VPS13B: variants seen among roughly 807,000 people sequenced by gnomAD.
The protein encoded by VPS13B is vacuolar protein sorting 13 homolog B.
VPS13B carries 285 observed loss-of-function variants against 426.4 expected under a neutral mutation model. The ratio of observed to expected loss-of-function variants is 0.67; its 90% confidence interval spans 0.61 to 0.74. The LOEUF is 0.74. VPS13B is among the 30% of genes least tolerant of loss of function. The probability of loss-of-function intolerance (pLI) is 0.00; values close to 1 mark genes in which losing one functional copy is unlikely to be tolerated. For missense variants in VPS13B, 4,537 were observed against 4,782.6 expected (o/e 0.95, Z 1.51); for synonymous variants, 1,676 against 1,676.4 (o/e 1.00, Z 0.01).
At position 99,391,593 on chromosome 8, in the gene VPS13B, T is replaced by C; in HGVS notation, c.2971T>C (p.Cys991Arg). 6.2e-7 allele frequency: 1 copy of C among 1,614,182 alleles called. No individual in the cohort carries two copies. ...VVAVPLVMPV[C>R]RRKEDEVSIG... ...AGCTGTTCCTCTTGTTATGCCAGTT[T>C]GTAGAAGGAAAGAGGATGAGGTGTC... Residue 991 changes from cysteine to arginine, a missense_variant, in exon 21 of 62, where the codon TGT becomes CGT. This residue lies in a region of VPS13B where 4,311 missense variants were observed against 4,474.3 expected (regional missense o/e 0.96). Transcript: ENST00000357162.
At chr8:99,206,343 A>G (rs964541745) in intron 17 of VPS13B, among the ~76,000 whole-genome samples, 2 of 152,224 alleles carry the variant, frequency 1.3e-5, no homozygotes, top group Non-Finnish European at 2.9e-5. Flanking sequence ...CTTTCCAGAA[A>G]GTAACTGTTA....
At chr8:99,657,764 A>G (rs1830075299) in intron 34 of VPS13B, among the ~76,000 whole-genome samples, 1 of 152,110 alleles carries the variant, frequency 6.6e-6, no homozygotes, top group South Asian at 2.1e-4. Flanking sequence ...ACATTTACTT[A>G]TATATTCTTA....
At chr8:99,776,678 A>G (rs1231654236) in intron 40 of VPS13B, 97 bp from the exon 41 acceptor site, 1 of 1,069,242 alleles carries the variant, frequency 9.4e-7, no homozygotes, top group East Asian at 2.4e-5. Context: ...TAGGATTTTC[A>G]GTACTAGTTT....
intron 14 of VPS13B, among the ~76,000 whole-genome samples, chr8:99,149,072 G>A (rs951704781): frequency 6.6e-6 from 1 of 152,204 alleles, no homozygotes; most frequent in Admixed American, 6.5e-5. Context: ...CTGTGGTTGA[G>A]TATTGCCTTC....
chr8:99,062,756 A>G (rs1307936914), intron 3 of VPS13B, among the ~76,000 whole-genome samples: 1 of 152,204 alleles, frequency 6.6e-6, no homozygotes, highest in Non-Finnish European at 1.5e-5. Flanking sequence ...GGTGTAAGCC[A>G]CCACGCCTGG....
intron 33 of VPS13B, among the ~76,000 whole-genome samples, chr8:99,628,261 G>A (rs1828697034): frequency 6.6e-6 from 1 of 152,184 alleles, no homozygotes; most frequent in African/African-American, 2.4e-5. Flanking sequence ...CTTGAATTCA[G>A]TGATTTGCTA....
rs1821797094 is a variant in VPS13B, at chr8:99,511,660, A to G, written c.4633+148A>G. ...TATTTTATAGAGAGGAAATATAGAT[A>G]TTCTACAAATCATTAGGAAATACAT... On this transcript the variant is annotated intron_variant, in intron 29 of 61. Coordinates refer to ENST00000357162, the MANE Select transcript of VPS13B (RefSeq NM_152564.5). 4.4e-5 allele frequency: 35 copies of G among 787,482 alleles called. No homozygotes were observed. The South Asian group carries it at 6.8e-4, about 15-fold the overall frequency. The allele number at this position is 787,482 out of a possible 1,614,324, so 48.8% of individuals were successfully genotyped here.
chr8:99,376,682 A>T (rs1371054450), intron 19 of VPS13B, among the ~76,000 whole-genome samples: 1 of 152,160 alleles, frequency 6.6e-6, no homozygotes, highest in African/African-American at 2.4e-5. Flanking sequence ...AGTTTTAGAC[A>T]TATCTGAAAA....
chr8:99,833,459 TAA>T (rs1563498470), intron 52 of VPS13B, among the ~76,000 whole-genome samples: 2 of 152,216 alleles, frequency 1.3e-5, no homozygotes, highest in Non-Finnish European at 2.9e-5. Context: ...TGTAATATTT[TAA>T]AAGACAAGAG....
intron 17 of VPS13B, among the ~76,000 whole-genome samples, chr8:99,226,982 C>G (rs1014687215): frequency 1.3e-5 from 2 of 152,056 alleles, no homozygotes; most frequent in Non-Finnish European, 2.9e-5. Context: ...AGAACTTATA[C>G]CTTCTGTCTA....
At position 99,250,664 on chromosome 8, in the gene VPS13B, C is replaced by CTTTTTTTTTTT. The variant is rs60698750; in HGVS notation, c.2516-23506_2516-23496dup. Among the ~76,000 whole-genome samples the CTTTTTTTTTTT allele has an allele frequency of 3.4e-4, 12 of 35,806 alleles. 4 individuals carry two copies. Among genetic ancestry groups the CTTTTTTTTTTT allele is most frequent in the Non-Finnish European group, 4.2e-4 (9 of 21,420 alleles). 23.5% of individuals were successfully genotyped at this position (35,806 alleles called of 152,430 possible). A position where few individuals can be genotyped will look rare whatever the true frequency, so the allele number is the denominator to read the frequency against. ...CTGTCCACTAATCCGTGTGTTTATT[C>CTTTTTTTTTTT]TTTTTTTTTTTTTTTTTTTTTTTTT... is the stretch of plus-strand genomic sequence containing the variant. On this transcript the variant is annotated intron_variant, in intron 17 of 61. Transcript: ENST00000357162.
intron 15 of VPS13B, among the ~76,000 whole-genome samples, chr8:99,160,933 TTTTTTC>T (rs1811615987): frequency 6.6e-6 from 1 of 152,148 alleles, no homozygotes; most frequent in Non-Finnish European, 1.5e-5. Context: ...TTGCAAAGCC[TTTTTTC>T]TCAAGGATGG....
chr8:99,620,099 A>C lies in VPS13B; in HGVS notation c.5221-21712A>C, dbSNP rs796318940. On this transcript the variant is annotated intron_variant, in intron 33 of 61. Transcript: ENST00000357162. ...TAGTAGACAAGAAACTGTTCATTAG[A>C]GAATGTAGGTAGGATGCTTACCATA... 2.4e-4 allele frequency among the ~76,000 whole-genome samples: 37 copies of C among 152,230 alleles called. 1 individual carries two copies. Among genetic ancestry groups the C allele is most frequent in the Middle Eastern group, 3.4e-3 (1 of 294 alleles).
intron 3 of VPS13B, among the ~76,000 whole-genome samples, chr8:99,065,148 A>T (rs7843899): frequency 0.74 from 112,636 of 151,996 alleles, 42,395 homozygotes; most frequent in South Asian, 0.87. Flanking sequence ...CAGCCACTGC[A>T]AAAACATGCC....
At chr8:99,468,055 A>G (rs1447959266) in intron 24 of VPS13B, among the ~76,000 whole-genome samples, 1 of 152,102 alleles carries the variant, frequency 6.6e-6, no homozygotes, top group Non-Finnish European at 1.5e-5. Flanking sequence ...CAACGTGCAG[A>G]TTTGTCACAT....
chr8:99,814,668 T>C (rs976271346), intron 44 of VPS13B, among the ~76,000 whole-genome samples: 3 of 152,194 alleles, frequency 2.0e-5, no homozygotes, highest in African/African-American at 7.2e-5. Context: ...AGGATTGGCT[T>C]GTACCAATCA....
intron 45 of VPS13B, 98 bp from the exon 46 acceptor site, chr8:99,818,353 C>T: frequency 8.0e-7 from 1 of 1,257,610 alleles, no homozygotes; most frequent in Middle Eastern, 1.9e-4. Flanking sequence ...AAACTTTAAA[C>T]TCTTTTTAAT....
intron 39 of VPS13B, among the ~76,000 whole-genome samples, chr8:99,721,875 T>C (rs76064507): frequency 0.035 from 5,378 of 152,338 alleles, 134 homozygotes; most frequent in Non-Finnish European, 0.05. Flanking sequence ...CCTACTCCAG[T>C]AGCTTCCTAA....
intron 25 of VPS13B, 122 bp downstream of exon 25, chr8:99,481,924 A>G (rs1237955172): frequency 1.6e-6 from 2 of 1,212,640 alleles, no homozygotes; most frequent in African/African-American, 1.5e-5. Flanking sequence ...TGAAGGTTCA[A>G]GAGGAGCTGT....
Sources: allele counts gnomAD v4.1 joint callset (sites outside exome capture counted in the v4.1 genomes callset), GRCh38; gene constraint gnomAD v4.1.1; regional missense constraint gnomAD v4.1.1; transcripts MANE v1.5; gene names NCBI Gene and HGNC (gene_info 2026-07-23, HGNC 2026-07-21).